Variants in ONECUT3 observed in about 807,000 individuals in gnomAD.
ONECUT3 encodes one cut homeobox 3.
ONECUT3 carries 11 observed loss-of-function variants against 16.8 expected under a neutral mutation model. The observed-to-expected ratio is 0.66, with a 90% confidence interval of 0.41 to 1.09. The LOEUF is 1.09. ONECUT3 is among the 50% of genes least tolerant of loss of function. The pLI is 0.00. For synonymous variants in ONECUT3, 344 were observed against 310.7 expected (o/e 1.11, Z -1.13); for missense variants, 637 against 629.9 (o/e 1.01, Z -0.12).
At chr19:1,771,313 T>A (rs1348345772) in intron 1 of ONECUT3, among the ~76,000 whole-genome samples, 2 of 152,146 alleles carry the variant, frequency 1.3e-5, no homozygotes, top group Non-Finnish European at 2.9e-5. Context: ...CACACCATCC[T>A]TTTTTTATTT....
In ONECUT3 at chr19:1,755,628, T is replaced by A. The variant is rs1017624260; in HGVS notation, c.1192+774T>A. 1.1e-4 allele frequency among the ~76,000 whole-genome samples: 16 copies of A among 152,116 alleles called. No individual in the cohort carries two copies. The highest frequency in any genetic ancestry group is 2.4e-4 in the Non-Finnish European group (16 of 67,986). ...GCCCGCCTGGCTTTGGGGTTTTGTG[T>A]CTCTCATGTCCACTTCTCTCCTCTC... On this transcript the variant is annotated intron_variant, in intron 1 of 1. Transcript: ENST00000382349. This position sits in a 1 kb window ranked among gnomAD's most constrained non-coding sequence, Gnocchi z 7.5.
In ONECUT3 at chr19:1,753,553, A is replaced by T. The variant is rs1424960500; in HGVS notation, c.-110A>T. ...AGCCGGGCCGGGCCGTGCGCCGCGC[A>T]GCCTGGCAGCCTCGCGCGCAGCCAC... On this transcript the variant is annotated 5_prime_UTR_variant, in exon 1 of 2. Transcript: ENST00000382349. 3.1e-6 allele frequency: 1 copy of T among 317,968 alleles called. No individual in the cohort carries two copies. The highest frequency in any genetic ancestry group is 2.3e-5 in the African/African-American group (1 of 44,284). The allele number at this position is 317,968 out of a possible 1,614,324, so 19.7% of individuals were successfully genotyped here.
chr19:1,763,991 G>A (rs1011007902), intron 1 of ONECUT3, among the ~76,000 whole-genome samples: 1 of 152,024 alleles, frequency 6.6e-6, no homozygotes, highest in Non-Finnish European at 1.5e-5. Flanking sequence ...GTTTATCTGT[G>A]GATTAATTTC....
At position 1,754,097 on chromosome 19, in the gene ONECUT3, G is replaced by A. The variant is rs148506212; in HGVS notation, c.435G>A (p.Pro145=). 5,448 of 1,008,244 alleles carry A rather than the reference G, an allele frequency of 5.4e-3. 213 individuals are homozygous for A. The African/African-American group carries it at 0.087, about 16-fold the overall frequency. 62.5% of individuals were successfully genotyped at this position (1,008,244 alleles called of 1,614,324 possible). A position where few individuals can be genotyped will look rare whatever the true frequency, so the allele number is the denominator to read the frequency against. The change falls in exon 1 of 2, where the codon CCG becomes CCA. Residue 145 remains proline (P), a synonymous_variant. Coordinates refer to ENST00000382349, the MANE Select transcript of ONECUT3 (RefSeq NM_001080488.2). This position sits in a 1 kb window ranked among gnomAD's most constrained non-coding sequence, Gnocchi z 7.4. ...GAHGGHPHAH[P]HPAAAPPPPP... is the part of the protein sequence containing the mutation. ...ACGGCGGCCATCCCCACGCGCACCC[G>A]CACCCGGCGGCCGCGCCGCCCCCGC...
intron 1 of ONECUT3, among the ~76,000 whole-genome samples, chr19:1,774,023 G>A (rs955698091): frequency 1.3e-5 from 2 of 152,182 alleles, no homozygotes; most frequent in Non-Finnish European, 2.9e-5. Context: ...GGCTGACCAA[G>A]AGGAAGGGTG....
Position 1,754,444 on chromosome 19 carries a change from G to A in ONECUT3, c.782G>A (p.Arg261His). The change falls in exon 1 of 2, where the codon CGC becomes CAC. Residue 261 changes from arginine to histidine, a missense_variant. Coordinates refer to ENST00000382349, the MANE Select transcript of ONECUT3 (RefSeq NM_001080488.2). This position sits in a 1 kb window ranked among gnomAD's most constrained non-coding sequence, Gnocchi z 7.4. The stretch of plus-strand genomic sequence containing the variant: ...GGACGCGCGGAGGACGCACTGGCCC[G>A]CGGGCTGCCCGGAGGCGGCGGCGGC... The part of the protein sequence containing the change: ...LLGRAEDALA[R>H]GLPGGGGGTG... The A allele has an allele frequency of 1.0e-6, 1 of 997,206 alleles. No individual in the cohort carries two copies. Among genetic ancestry groups the A allele is most frequent in the Non-Finnish European group, 1.2e-6 (1 of 840,114 alleles). 61.8% of individuals were successfully genotyped at this position (997,206 alleles called of 1,614,324 possible). A position where few individuals can be genotyped will look rare whatever the true frequency, so the allele number is the denominator to read the frequency against.
chr19:1,770,469 G>A (rs2068044000), intron 1 of ONECUT3, among the ~76,000 whole-genome samples: 1 of 152,162 alleles, frequency 6.6e-6, no homozygotes, highest in East Asian at 1.9e-4. Context: ...TAAGAATTGA[G>A]TGACCAGATA....
At chr19:1,763,784 T>C (rs2067961505) in intron 1 of ONECUT3, among the ~76,000 whole-genome samples, 1 of 150,960 alleles carries the variant, frequency 6.6e-6, no homozygotes. Flanking sequence ...CCGAGATTCT[T>C]CCCCCCGGCT....
intron 1 of ONECUT3, among the ~76,000 whole-genome samples, chr19:1,757,622 C>T (rs2067923514): frequency 6.6e-6 from 1 of 152,016 alleles, no homozygotes; most frequent in South Asian, 2.1e-4. Context: ...GCGCACCTGT[C>T]GCGTCTCAGG....
Position 1,775,377 on chromosome 19 carries a change from T to C in ONECUT3, c.1417T>C (p.Trp473Arg). Reference sequence around the variant, plus strand: ...CGCGCGGCGCCGCTGCATGAACCGCTGGGCTGAGGAGCCCAGCACGGCCCC... The same window carrying C: ...CGCGCGGCGCCGCTGCATGAACCGCCGGGCTGAGGAGCCCAGCACGGCCCC... ...MNARRRCMNR[W>R]AEEPSTAPGG... Residue 473 changes from tryptophan (W) to arginine (R), a missense_variant, in exon 2 of 2, where the codon TGG becomes CGG. Trp to Arg is a moderately radical substitution (Grantham distance 101). This residue lies in a region of ONECUT3 where 183 missense variants were observed against 188.3 expected (regional missense o/e 0.97). Coordinates refer to ENST00000382349, the MANE Select transcript of ONECUT3 (RefSeq NM_001080488.2). 3 of 1,178,808 alleles carry C rather than the reference T, an allele frequency of 2.5e-6. No homozygotes were observed. The highest frequency in any genetic ancestry group is 9.7e-5 in the East Asian group (2 of 20,582). The allele number at this position is 1,178,808 out of a possible 1,614,324, so 73.0% of individuals were successfully genotyped here. A position where few individuals can be genotyped will look rare whatever the true frequency, so the allele number is the denominator to read the frequency against.
At chr19:1,775,124 T>TCGGG in intron 1 of ONECUT3, 29 bp from the exon 2 acceptor site, 3 of 1,082,166 alleles carry the variant, frequency 2.8e-6, no homozygotes, top group Non-Finnish European at 3.8e-6. Context: ...TGTGTCCCGC[T>TCGGG]CGCCCGCCCG....
rs910244900 is a variant in ONECUT3, at chr19:1,755,393, C to T, written c.1192+539C>T. Among the ~76,000 whole-genome samples the T allele has an allele frequency of 1.3e-5, 2 of 152,092 alleles. No homozygotes were observed. Among genetic ancestry groups the T allele is most frequent in the African/African-American group, 4.8e-5 (2 of 41,428 alleles). On this transcript the variant is annotated intron_variant, in intron 1 of 1. Coordinates refer to ENST00000382349, the MANE Select transcript of ONECUT3 (RefSeq NM_001080488.2). This position sits in a 1 kb window ranked among gnomAD's most constrained non-coding sequence, Gnocchi z 7.5. Reference sequence around the variant, plus strand: ...CAGAGGCCGAGCCCGCGCTCATCCCCCCACCTGCCCCAGCGCGCGCTTCTT... The same window carrying T: ...CAGAGGCCGAGCCCGCGCTCATCCCTCCACCTGCCCCAGCGCGCGCTTCTT...
In ONECUT3 at chr19:1,762,644, G is replaced by A. The variant is rs2067952408; in HGVS notation, c.1192+7790G>A. Among the ~76,000 whole-genome samples, 1 of 152,222 alleles carries A rather than the reference G, an allele frequency of 6.6e-6. No individual in the cohort carries two copies. Among genetic ancestry groups the A allele is most frequent in the Non-Finnish European group, 1.5e-5 (1 of 68,028 alleles). On this transcript the variant is annotated intron_variant, in intron 1 of 1. Coordinates refer to ENST00000382349, the MANE Select transcript of ONECUT3 (RefSeq NM_001080488.2). This position sits in a 1 kb window ranked among gnomAD's most constrained non-coding sequence, Gnocchi z 4.4. Reference sequence around the variant, plus strand: ...CACGTGCCCCGGCGCCAGGAGACCCGGGACCCGGGACCACGCGCCCGCGGC... The same window carrying A: ...CACGTGCCCCGGCGCCAGGAGACCCAGGACCCGGGACCACGCGCCCGCGGC...
In ONECUT3 at chr19:1,766,205, C is replaced by A. The variant is rs1419366583; in HGVS notation, c.1193-8948C>A. Among the ~76,000 whole-genome samples, 1 of 152,234 alleles carries A rather than the reference C, an allele frequency of 6.6e-6. No individual in the cohort carries two copies. Among genetic ancestry groups the A allele is most frequent in the Non-Finnish European group, 1.5e-5 (1 of 68,050 alleles). On this transcript the variant is annotated intron_variant, in intron 1 of 1. Coordinates refer to ENST00000382349, the MANE Select transcript of ONECUT3 (RefSeq NM_001080488.2). The surrounding 1 kb of genome is among the most constrained non-coding windows in gnomAD (Gnocchi z 4.0). ...CCACCCACCCACCCACAGCACCTCG[C>A]TCAGACTTCGCCCTCCACCCCGCCG...
chr19:1,771,750 A>T (rs2068056721), intron 1 of ONECUT3, among the ~76,000 whole-genome samples: 1 of 150,776 alleles, frequency 6.6e-6, no homozygotes, highest in Admixed American at 6.6e-5. Flanking sequence ...CATGATCATA[A>T]CTCACTGCAG....
chr19:1,771,543 G>A (rs2068055008), intron 1 of ONECUT3, among the ~76,000 whole-genome samples: 1 of 152,126 alleles, frequency 6.6e-6, no homozygotes. Flanking sequence ...AAGCTGCTTG[G>A]ATTCTTGATC....
chr19:1,756,075 G>C (rs547917720), intron 1 of ONECUT3, among the ~76,000 whole-genome samples: 236 of 152,036 alleles, frequency 1.6e-3, no homozygotes, highest in African/African-American at 5.5e-3. Flanking sequence ...GAGGCAGAGG[G>C]GCTTGCGGCT....
rs1185880761 is a variant in ONECUT3 at position 1,755,008 on chromosome 19, G to A, written c.1192+154G>A. On this transcript the variant is annotated intron_variant, in intron 1 of 1. Transcript: ENST00000382349. The surrounding 1 kb of genome is among the most constrained non-coding windows in gnomAD (Gnocchi z 7.5). ...ACCCCCTATCAGGAAGCTAGACCGC[G>A]ATCCGCGCCGCTGCCCGTTTGTACC... Among the ~76,000 whole-genome samples, 1 of 152,094 alleles carries A rather than the reference G, an allele frequency of 6.6e-6. No individual in the cohort carries two copies. The highest frequency in any genetic ancestry group is 1.5e-5 in the Non-Finnish European group (1 of 68,004).
intron 1 of ONECUT3, among the ~76,000 whole-genome samples, chr19:1,756,123 C>T (rs986474531): frequency 7.2e-5 from 11 of 152,084 alleles, no homozygotes; most frequent in Admixed American, 1.3e-4. Flanking sequence ...GGGGGCTGGG[C>T]GAAGAGAGGA....
Sources: allele counts gnomAD v4.1 joint callset (sites outside exome capture counted in the v4.1 genomes callset), GRCh38; gene constraint gnomAD v4.1.1; regional missense constraint gnomAD v4.1.1; non-coding constraint Gnocchi (gnomAD v3.1); transcripts MANE v1.5; gene names NCBI Gene and HGNC (gene_info 2026-07-23, HGNC 2026-07-21).